HABP4: variants seen among roughly 807,000 people sequenced by gnomAD.
HABP4 encodes hyaluronan binding protein 4.
HABP4 carries 32 observed loss-of-function variants against 44.1 expected under a neutral mutation model. The ratio of observed to expected loss-of-function variants is 0.73; its 90% confidence interval spans 0.55 to 0.97. HABP4 has a LOEUF of 0.97. HABP4 is among the 50% of genes least tolerant of loss of function. HABP4 has a pLI of 0.00. For missense variants in HABP4, 503 were observed against 561.9 expected (o/e 0.90, Z 1.06); for synonymous variants, 216 against 218.0 (o/e 0.99, Z 0.08).
intron 7 of HABP4, among the ~76,000 whole-genome samples, chr9:96,489,710 G>C (rs548710311): frequency 2.0e-5 from 3 of 152,232 alleles, no homozygotes; most frequent in Admixed American, 2.0e-4. Flanking sequence ...CTATTTACTC[G>C]ATGAAGGACG....
chr9:96,472,400 C>T (rs1392835642), intron 5 of HABP4, among the ~76,000 whole-genome samples: 2 of 152,168 alleles, frequency 1.3e-5, no homozygotes, highest in African/African-American at 4.8e-5. Context: ...CTTCCGCCAT[C>T]GTCCTCTTTC....
At chr9:96,481,344 G>A (rs1032881824) in intron 5 of HABP4, among the ~76,000 whole-genome samples, 3 of 151,904 alleles carry the variant, frequency 2.0e-5, no homozygotes, top group Admixed American at 6.6e-5. Flanking sequence ...CACCTGCCTC[G>A]GCCTCCCAAA....
chr9:96,464,020 A>G (rs2131128635), intron 2 of HABP4, among the ~76,000 whole-genome samples: 1 of 152,346 alleles, frequency 6.6e-6, no homozygotes, highest in East Asian at 1.9e-4. Context: ...AGGAGAGACA[A>G]GTCCTCAGAA....
chr9:96,466,255 A>G (rs1164173338), intron 4 of HABP4, among the ~76,000 whole-genome samples: 1 of 152,198 alleles, frequency 6.6e-6, no homozygotes, highest in South Asian at 2.1e-4. Context: ...CTGTAGTCCC[A>G]GCTACCCAGG....
Position 96,450,592 on chromosome 9 carries a change from C to T in HABP4, c.313C>T (p.Arg105Trp). The T allele has an allele frequency of 1.6e-6, 2 of 1,283,968 alleles. No individual in the cohort carries two copies. Among genetic ancestry groups the T allele is most frequent in the Non-Finnish European group, 2.0e-6 (2 of 1,015,570 alleles). The allele number at this position is 1,283,968 out of a possible 1,614,324, so 79.5% of individuals were successfully genotyped here. ...RKSLPAPVAQ[R>W]PDSPGGGLQA... ...GAGCCTCCCGGCGCCCGTCGCTCAGCGGCCCGATAGCCCCGGGGGCGGCCT... is the reference window on the plus strand; with the variant it reads ...GAGCCTCCCGGCGCCCGTCGCTCAGTGGCCCGATAGCCCCGGGGGCGGCCT... The change falls in exon 1 of 8, where the codon CGG becomes TGG. Residue 105 changes from arginine (R) to tryptophan (W), a missense_variant. Transcript: ENST00000375249. The surrounding 1 kb of genome is among the most constrained non-coding windows in gnomAD (Gnocchi z 4.8).
intron 1 of HABP4, among the ~76,000 whole-genome samples, chr9:96,451,823 A>T (rs939333605): frequency 6.6e-6 from 1 of 152,210 alleles, no homozygotes; most frequent in Non-Finnish European, 1.5e-5. Context: ...GAGACTGGAG[A>T]TACATTGTGC....
At chr9:96,484,992 C>T (rs34447339) in intron 6 of HABP4, among the ~76,000 whole-genome samples, 35,341 of 151,966 alleles carry the variant, frequency 0.23, 5,113 homozygotes, top group African/African-American at 0.41. Flanking sequence ...CACTCTGTGT[C>T]CCCTGAGTAG....
intron 5 of HABP4, among the ~76,000 whole-genome samples, chr9:96,477,902 G>C (rs1162301591): frequency 6.6e-6 from 1 of 152,138 alleles, no homozygotes; most frequent in Non-Finnish European, 1.5e-5. Flanking sequence ...TCTACTTTCT[G>C]TCACTACAGA....
At chr9:96,469,975 TATG>T (rs1435549374) in intron 4 of HABP4, among the ~76,000 whole-genome samples, 4 of 152,324 alleles carry the variant, frequency 2.6e-5, no homozygotes, top group East Asian at 1.9e-4. Flanking sequence ...GGAGGACATC[TATG>T]ATTTTTCTTT....
Position 96,484,565 on chromosome 9 carries a change from A to G in HABP4, c.931A>G (p.Ile311Val), listed in dbSNP as rs144359911. The part of the protein sequence containing the change: ...EQTRPKPEFN[I>V]RKPESTVPSK... Reference sequence around the variant, plus strand: ...GACCAGACCAAAGCCTGAGTTTAACATCCGGAAACCAGAATCCACTGTTCC... The same window carrying G: ...GACCAGACCAAAGCCTGAGTTTAACGTCCGGAAACCAGAATCCACTGTTCC... The change falls in exon 6 of 8, where the codon ATC (isoleucine) becomes GTC (valine). Residue 311 changes from isoleucine to valine, a missense_variant. Physicochemically the swap from Ile to Val is conservative, Grantham distance 29. This residue lies in a region of HABP4 where 131 missense variants were observed against 189.8 expected (regional missense o/e 0.69). Transcript: ENST00000375249. 1.3e-6 allele frequency: 2 copies of G among 1,596,184 alleles called. No homozygotes were observed. The highest frequency in any genetic ancestry group is 1.1e-5 in the South Asian group (1 of 90,720).
intron 2 of HABP4, among the ~76,000 whole-genome samples, chr9:96,459,471 G>A (rs1205604920): frequency 1.3e-5 from 2 of 152,148 alleles, no homozygotes; most frequent in Non-Finnish European, 2.9e-5. Context: ...ACGGGGAGGG[G>A]TTGTGTCTTA....
At chr9:96,465,030 T>G (rs559144172) in intron 2 of HABP4, among the ~76,000 whole-genome samples, 1 of 152,336 alleles carries the variant, frequency 6.6e-6, no homozygotes, top group East Asian at 1.9e-4. Context: ...TATGCCTGTC[T>G]AGCACCTGCT....
intron 1 of HABP4, among the ~76,000 whole-genome samples, chr9:96,452,635 A>G (rs1832305963): frequency 6.6e-6 from 1 of 152,036 alleles, no homozygotes; most frequent in Non-Finnish European, 1.5e-5. Flanking sequence ...TTTTTCAAGT[A>G]TGTGTTATTT....
intron 6 of HABP4, among the ~76,000 whole-genome samples, chr9:96,486,170 C>CA (rs1185439132): frequency 2.6e-5 from 4 of 152,054 alleles, no homozygotes. Context: ...CCAGCCTGGG[C>CA]AACAAAGTGA....
rs1587677415 is a variant in HABP4, at chr9:96,465,180, T to C, written c.513-157T>C. 4.6e-5 allele frequency among the ~76,000 whole-genome samples: 7 copies of C among 152,334 alleles called. 2 individuals carry two copies. Among genetic ancestry groups the C allele is most frequent in the Admixed American group, 4.6e-4 (7 of 15,296 alleles). ...GCTCAGAACAATGCCAGGTATATAGTCTATAGTATGCGCTCACTAAAGGTT... is the reference window on the plus strand; with the variant it reads ...GCTCAGAACAATGCCAGGTATATAGCCTATAGTATGCGCTCACTAAAGGTT... On this transcript the variant is annotated intron_variant, in intron 2 of 7. Transcript: ENST00000375249.
rs372382658 is a variant in HABP4, at chr9:96,462,629, A to G, written c.513-2708A>G. Among the ~76,000 whole-genome samples, 460 of 147,832 alleles carry G rather than the reference A, an allele frequency of 3.1e-3. 2 individuals are homozygous for G. The highest frequency in any genetic ancestry group is 5.3e-3 in the Non-Finnish European group (358 of 67,144). On this transcript the variant is annotated intron_variant, in intron 2 of 7. Transcript: ENST00000375249. ...TCTGTCTCAAAAAAAAAAAAAAGAG[A>G]GAGAGTTTACTGTTGGCTGGGCACA...
intron 7 of HABP4, among the ~76,000 whole-genome samples, chr9:96,489,038 C>T (rs923656849): frequency 1.5e-4 from 23 of 152,092 alleles, no homozygotes; most frequent in African/African-American, 3.9e-4. Flanking sequence ...AAATCAGCCC[C>T]GAGGCCCCAT....
intron 1 of HABP4, among the ~76,000 whole-genome samples, chr9:96,457,448 G>A (rs1417176867): frequency 6.6e-6 from 1 of 152,200 alleles, no homozygotes; most frequent in African/African-American, 2.4e-5. Context: ...GCTGACTCTT[G>A]GGCAAGTTGC....
At chr9:96,456,780 AATATATATATATATATAT>A (rs71368267) in intron 1 of HABP4, among the ~76,000 whole-genome samples, 972 of 44,726 alleles carry the variant, frequency 0.022, 24 homozygotes, top group African/African-American at 0.038. Context: ...AAAAAAAAAA[AATATATATATATATATAT>A]ATATATATAT....
Sources: allele counts gnomAD v4.1 joint callset (sites outside exome capture counted in the v4.1 genomes callset), GRCh38; gene constraint gnomAD v4.1.1; regional missense constraint gnomAD v4.1.1; non-coding constraint Gnocchi (gnomAD v3.1); transcripts MANE v1.5; gene names NCBI Gene and HGNC (gene_info 2026-07-23, HGNC 2026-07-21).